The following STRBP variants were observed in gnomAD, a reference collection of about 807,000 sequenced individuals.
The protein encoded by STRBP is spermatid perinuclear RNA binding protein.
Under a neutral mutation model 80.1 loss-of-function variants are expected in STRBP, and 13 were observed. The ratio of observed to expected loss-of-function variants is 0.16; its 90% confidence interval spans 0.11 to 0.26. The LOEUF is 0.26. Among genes scored for constraint, STRBP ranks in the 10% least tolerant of loss-of-function variants. The pLI is 1.00. For synonymous variants in STRBP, 284 were observed against 291.2 expected (o/e 0.98, Z 0.25); for missense variants, 485 against 815.2 (o/e 0.59, Z 4.93).
At chr9:123,216,261 C>T (rs1042882640) in intron 2 of STRBP, among the ~76,000 whole-genome samples, 5 of 152,224 alleles carry the variant, frequency 3.3e-5, no homozygotes, top group African/African-American at 9.6e-5. Flanking sequence ...CTTACCAGCT[C>T]TGTAACTACA....
chr9:123,256,528 CTAAA>C, intron 1 of STRBP, among the ~76,000 whole-genome samples: 1 of 152,054 alleles, frequency 6.6e-6, no homozygotes. Flanking sequence ...CACCAAACTT[CTAAA>C]TAAAAACCAA....
chr9:123,239,386 A>C (rs2040645311), intron 1 of STRBP, among the ~76,000 whole-genome samples: 2 of 152,208 alleles, frequency 1.3e-5, no homozygotes, highest in African/African-American at 2.4e-5. Flanking sequence ...AAAACAAAAA[A>C]AAAAATGGAA....
chr9:123,175,763 G>A (rs2038192658), intron 4 of STRBP, among the ~76,000 whole-genome samples: 1 of 152,058 alleles, frequency 6.6e-6, no homozygotes, highest in Middle Eastern at 3.4e-3. Flanking sequence ...TACCTCTCAC[G>A]TAGACCACCT....
chr9:123,205,394 G>A (rs969657114), intron 2 of STRBP, among the ~76,000 whole-genome samples: 2 of 152,186 alleles, frequency 1.3e-5, no homozygotes, highest in African/African-American at 2.4e-5. Context: ...AAGACCTTCT[G>A]TTGCCATTCT....
At chr9:123,244,235 AT>A (rs1369937819) in intron 1 of STRBP, among the ~76,000 whole-genome samples, 1 of 152,200 alleles carries the variant, frequency 6.6e-6, no homozygotes, top group Non-Finnish European at 1.5e-5. Flanking sequence ...GCTTTCAACT[AT>A]ATGACATTCT....
rs188583898 is a variant in STRBP, at chr9:123,115,495, G to A, written c.*84+434C>T. ...TCTGCACCTCTTTCTTCCCCTCCCT[G>A]TACTCTCCATCTGGGTCAATGATTT... On this transcript the variant is annotated intron_variant and NMD_transcript_variant, in intron 3 of 3. Transcript: ENST00000471564. This position sits in a 1 kb window ranked among gnomAD's most constrained non-coding sequence, Gnocchi z 5.0. 2.4e-5 allele frequency: 10 copies of A among 410,262 alleles called. No homozygotes were observed. In the Admixed American group the frequency reaches 2.6e-4, roughly 11 times the overall value. 25.4% of individuals were successfully genotyped at this position (410,262 alleles called of 1,614,324 possible).
intron 2 of STRBP, among the ~76,000 whole-genome samples, chr9:123,214,278 G>A (rs1408714416): frequency 2.0e-5 from 3 of 151,928 alleles, no homozygotes; most frequent in Non-Finnish European, 2.9e-5. Flanking sequence ...AAGTAACTCA[G>A]GAATGGAAAA....
At chr9:123,178,761 G>A (rs1368460916) in intron 4 of STRBP, among the ~76,000 whole-genome samples, 2 of 152,124 alleles carry the variant, frequency 1.3e-5, no homozygotes, top group East Asian at 1.9e-4. Context: ...AAAGGACTTG[G>A]TGTTCTCTCA....
chr9:123,230,574 A>G (rs1347537906), intron 2 of STRBP, among the ~76,000 whole-genome samples: 1 of 152,250 alleles, frequency 6.6e-6, no homozygotes, highest in African/African-American at 2.4e-5. Context: ...TATCACAGAC[A>G]GCTGCTCACC....
At chr9:123,142,764 A>G (rs1393427772) in intron 13 of STRBP, among the ~76,000 whole-genome samples, 1 of 151,714 alleles carries the variant, frequency 6.6e-6, no homozygotes, top group African/African-American at 2.4e-5. Flanking sequence ...TTACTGTTTT[A>G]ACAACTGTCC....
chr9:123,218,525 G>A (rs372082592), intron 2 of STRBP, among the ~76,000 whole-genome samples: 4,493 of 150,594 alleles, frequency 0.03, 103 homozygotes, highest in South Asian at 0.069. Context: ...GCCCGCCACC[G>A]CGCCCGGCTA....
intron 17 of STRBP, among the ~76,000 whole-genome samples, chr9:123,132,483 T>TA (rs2132311369): frequency 6.6e-6 from 1 of 152,296 alleles, no homozygotes; most frequent in African/African-American, 2.4e-5. Flanking sequence ...CCTAATTAAG[T>TA]AACCTCTTAG....
At chr9:123,215,373 C>G (rs981277970) in intron 2 of STRBP, among the ~76,000 whole-genome samples, 4 of 152,208 alleles carry the variant, frequency 2.6e-5, no homozygotes, top group Admixed American at 6.5e-5. Flanking sequence ...CCATTACTTA[C>G]ATAGCTCACC....
intron 1 of STRBP, among the ~76,000 whole-genome samples, chr9:123,255,911 A>T (rs2041017766): frequency 6.6e-6 from 1 of 151,820 alleles, no homozygotes; most frequent in African/African-American, 2.4e-5. Context: ...AGGGAACCCC[A>T]GGCTGCCAAT....
At chr9:123,219,836 C>T (rs112451394) in intron 2 of STRBP, among the ~76,000 whole-genome samples, 3 of 152,132 alleles carry the variant, frequency 2.0e-5, no homozygotes, top group African/African-American at 7.2e-5. Flanking sequence ...AGAAAAAAGA[C>T]AATTACCTTC....
chr9:123,149,543 T>C (rs1366217415), intron 11 of STRBP, among the ~76,000 whole-genome samples: 1 of 152,162 alleles, frequency 6.6e-6, no homozygotes, highest in Non-Finnish European at 1.5e-5. Flanking sequence ...CATTCTATCA[T>C]AGCAGCCATT....
Position 123,123,716 on chromosome 9 carries a change from C to T in STRBP, c.*1881G>A. The T allele has an allele frequency of 1.0e-6, 1 of 985,282 alleles. No individual in the cohort carries two copies. The highest frequency in any genetic ancestry group is 1.2e-6 in the Non-Finnish European group (1 of 829,902). The allele number at this position is 985,282 out of a possible 1,614,324, so 61.0% of individuals were successfully genotyped here. A position where few individuals can be genotyped will look rare whatever the true frequency, so the allele number is the denominator to read the frequency against. On this transcript the variant is annotated 3_prime_UTR_variant, in exon 19 of 19. Transcript: ENST00000348403. ...CAACGTGGAATCCAAATTTGATGACCAATTTCAAATAACAATACAGCCGCA... is the reference window on the plus strand; with the variant it reads ...CAACGTGGAATCCAAATTTGATGACTAATTTCAAATAACAATACAGCCGCA...
intron 16 of STRBP, 118 bp from the exon 17 acceptor site, chr9:123,133,086 C>T: frequency 7.8e-7 from 1 of 1,280,492 alleles, no homozygotes. Flanking sequence ...AGACCATGAG[C>T]TGTCTGTGAT....
intron 2 of STRBP, among the ~76,000 whole-genome samples, chr9:123,197,458 A>G (rs2039134889): frequency 6.6e-6 from 1 of 152,086 alleles, no homozygotes; most frequent in South Asian, 2.1e-4. Flanking sequence ...AGTAGTGTAC[A>G]CTATACCTAA....
Sources: gnomAD v4.1 joint callset for allele counts (sites outside exome capture counted in the v4.1 genomes callset) on GRCh38, gnomAD v4.1.1 for gene constraint, Gnocchi (gnomAD v3.1) non-coding constraint, MANE v1.5 for transcripts, NCBI Gene and HGNC (gene_info 2026-07-23, HGNC 2026-07-21) for gene names.